The following PCNX4 variants were observed in gnomAD, a reference collection of about 807,000 sequenced individuals.
The protein encoded by PCNX4 is pecanex 4.
In PCNX4, 103 loss-of-function variants were observed where a neutral mutation model predicts 107.2. The ratio of observed to expected loss-of-function variants is 0.96; its 90% confidence interval spans 0.82 to 1.13. The LOEUF (loss-of-function observed/expected upper bound fraction) is 1.13, where lower values mean the gene tolerates loss of function less well. Ranked by LOEUF, PCNX4 falls within the 50% of genes most tolerant of loss-of-function variation. The pLI, the probability that PCNX4 is intolerant of heterozygous loss-of-function variation, is 0.00. For missense variants in PCNX4, 1,528 were observed against 1,379.4 expected, an observed-to-expected ratio of 1.11 and a Z score of -1.71; for synonymous variants, 541 against 481.7, an observed-to-expected ratio of 1.12 and a Z score of -1.61.
rs914019288 is a variant in PCNX4, at chr14:60,116,187, C to A, written c.1578+127C>A. ...TAATTTTAGAACATTTTCAACATCCCAAAAAGAAACCTCAACTGTTATTTC... is the reference window on the plus strand; with the variant it reads ...TAATTTTAGAACATTTTCAACATCCAAAAAAGAAACCTCAACTGTTATTTC... On this transcript the variant is annotated intron_variant, in intron 6 of 10. Transcript: ENST00000406854. The A allele has an allele frequency of 2.5e-4, 226 of 906,626 alleles. 1 individual carries two copies. The highest frequency in any genetic ancestry group is 1.0e-4 in the Admixed American group (3 of 28,878). The allele number at this position is 906,626 out of a possible 1,614,324, so 56.2% of individuals were successfully genotyped here.
intron 1 of PCNX4, among the ~76,000 whole-genome samples, chr14:60,105,303 G>A (rs991884362): frequency 6.6e-6 from 1 of 152,184 alleles, no homozygotes; most frequent in African/African-American, 2.4e-5. Context: ...GGGAAGGGAG[G>A]AGAGGACATC....
At chr14:60,131,000 T>A (rs1418473439) in intron 10 of PCNX4, among the ~76,000 whole-genome samples, 1 of 151,362 alleles carries the variant, frequency 6.6e-6, no homozygotes, top group Non-Finnish European at 1.5e-5. Flanking sequence ...AGTGCCCTTA[T>A]AGGAAGAGGA....
In PCNX4 at chr14:60,143,002, G is replaced by C. The variant is rs1285109076; in HGVS notation, c.*8781G>C. 1 of 152,090 alleles carries C rather than the reference G, an allele frequency of 6.6e-6. No homozygotes were observed. Among genetic ancestry groups the C allele is most frequent in the Admixed American group, 6.5e-5 (1 of 15,270 alleles). 9.4% of individuals were successfully genotyped at this position (152,090 alleles called of 1,614,324 possible). On this transcript the variant is annotated 3_prime_UTR_variant, in exon 11 of 11. Transcript: ENST00000406854. ...GAAAGAAAGAAAAAAATGCCATACA[G>C]ATGAATCTTTAAAGATTTTAATTTA...
At position 60,108,335 on chromosome 14, in the gene PCNX4, C is replaced by T; in HGVS notation, c.689+8C>T. The T allele has an allele frequency of 6.3e-7, 1 of 1,578,224 alleles. No individual in the cohort carries two copies. The highest frequency in any genetic ancestry group is 8.6e-7 in the Non-Finnish European group (1 of 1,159,014). On this transcript the variant is annotated splice_region_variant and intron_variant, in intron 2 of 10. Transcript: ENST00000406854. ...TGTGGATCTGGCACACAGGTAAAAACCTACCAAATACTTTGTAACTAACTT... is the reference window on the plus strand; with the variant it reads ...TGTGGATCTGGCACACAGGTAAAAATCTACCAAATACTTTGTAACTAACTT...
Position 60,143,598 on chromosome 14 carries a change from C to T in PCNX4, c.*9377C>T, listed in dbSNP as rs437986. ...TGTTAGCGTTGCTTCTTTATTTCTTCACTTATGACTATGCCTCTAGTACAT... is the reference window on the plus strand; with the variant it reads ...TGTTAGCGTTGCTTCTTTATTTCTTTACTTATGACTATGCCTCTAGTACAT... On this transcript the variant is annotated 3_prime_UTR_variant, in exon 11 of 11. Coordinates refer to ENST00000406854, the MANE Select transcript of PCNX4 (RefSeq NM_001330177.2). 40,447 of 152,134 alleles carry T rather than the reference C, an allele frequency of 0.27. 7,304 individuals carry two copies. Among genetic ancestry groups the T allele is most frequent in the African/African-American group, 0.51 (21,067 of 41,458 alleles). The allele number at this position is 152,134 out of a possible 1,614,324, so 9.4% of individuals were successfully genotyped here.
chr14:60,134,340 C>A lies in PCNX4; in HGVS notation c.*119C>A. 1.6e-6 allele frequency: 2 copies of A among 1,255,654 alleles called. No homozygotes were observed. Among genetic ancestry groups the A allele is most frequent in the Non-Finnish European group, 2.2e-6 (2 of 905,968 alleles). 77.8% of individuals were successfully genotyped at this position (1,255,654 alleles called of 1,614,324 possible). Reference sequence around the variant, plus strand: ...ACACCCCCATTCAGATGCCTGAGAACAGCTAAGCTCCGTAAAGTTGGTTCT... The same window carrying A: ...ACACCCCCATTCAGATGCCTGAGAAAAGCTAAGCTCCGTAAAGTTGGTTCT... On this transcript the variant is annotated 3_prime_UTR_variant, in exon 11 of 11. Coordinates refer to ENST00000406854, the MANE Select transcript of PCNX4 (RefSeq NM_001330177.2).
intron 7 of PCNX4, 35 bp from the exon 8 acceptor site, chr14:60,121,161 C>CTT (rs747483127): frequency 0.013 from 13,831 of 1,089,810 alleles, 14 homozygotes; most frequent in South Asian, 0.019. Context: ...AAATGATTTT[C>CTT]TTTTTTTTTT....
chr14:60,134,228 T>G lies in PCNX4; in HGVS notation c.*7T>G, dbSNP rs1409316198. 1 of 1,611,736 alleles carries G rather than the reference T, an allele frequency of 6.2e-7. No homozygotes were observed. The highest frequency in any genetic ancestry group is 2.2e-5 in the East Asian group (1 of 44,854). On this transcript the variant is annotated 3_prime_UTR_variant, in exon 11 of 11. Transcript: ENST00000406854. ...CCACATACATTTGTATTAGAGCTCA[T>G]TTTGACTGTAATGTCATCAAATGCA...
intron 1 of PCNX4, among the ~76,000 whole-genome samples, chr14:60,096,587 A>C (rs1895429382): frequency 6.6e-6 from 1 of 152,232 alleles, no homozygotes; most frequent in South Asian, 2.1e-4. Flanking sequence ...CCACGGCCAT[A>C]AGTTAGTGCC....
intron 10 of PCNX4, among the ~76,000 whole-genome samples, chr14:60,130,665 T>C (rs1166483234): frequency 1.3e-5 from 2 of 152,186 alleles, no homozygotes; most frequent in Non-Finnish European, 2.9e-5. Flanking sequence ...GCCTATAACA[T>C]ATAGGAATGT....
At chr14:60,100,071 G>A (rs1388063954) in intron 1 of PCNX4, among the ~76,000 whole-genome samples, 2 of 151,790 alleles carry the variant, frequency 1.3e-5, no homozygotes, top group Non-Finnish European at 2.9e-5. Flanking sequence ...TCTCAAAAAA[G>A]AAAATGAAAG....
chr14:60,097,487 T>G (rs962291996), intron 1 of PCNX4, among the ~76,000 whole-genome samples: 5 of 152,258 alleles, frequency 3.3e-5, no homozygotes, highest in African/African-American at 1.2e-4. Context: ...TCTCAATTGC[T>G]GTAGCATTTT....
rs1387586569 is a variant in PCNX4 at position 60,139,470 on chromosome 14, G to A, written c.*5249G>A. The stretch of plus-strand genomic sequence containing the variant: ...TAACAATATAGCCTCAAATATATAA[G>A]CAGAAATGAACAGAACTAAAATGAG... On this transcript the variant is annotated 3_prime_UTR_variant, in exon 11 of 11. Coordinates refer to ENST00000406854, the MANE Select transcript of PCNX4 (RefSeq NM_001330177.2). The A allele has an allele frequency of 6.6e-6, 1 of 151,974 alleles. No homozygotes were observed. The highest frequency in any genetic ancestry group is 2.4e-5 in the African/African-American group (1 of 41,406). 9.4% of individuals were successfully genotyped at this position (151,974 alleles called of 1,614,324 possible).
chr14:60,105,548 A>G lies in PCNX4; in HGVS notation c.-53-2038A>G. On this transcript the variant is annotated intron_variant, in intron 1 of 10. Transcript: ENST00000406854. ...TAGGTGTGTGTACTCTTTTTTTTGG[A>G]TACAAATGGAATCAGTAGGGTGTTT... Among the ~76,000 whole-genome samples the G allele has an allele frequency of 1.3e-5, 2 of 152,056 alleles. 1 individual carries two copies. The highest frequency in any genetic ancestry group is 6.4e-3 in the Middle Eastern group (2 of 314).
At chr14:60,117,830 G>A (rs575812421) in intron 6 of PCNX4, among the ~76,000 whole-genome samples, 11 of 152,060 alleles carry the variant, frequency 7.2e-5, no homozygotes, top group East Asian at 1.9e-4. Context: ...TTGATTATTC[G>A]TAAATGTTCT....
In PCNX4 at chr14:60,115,070, T is replaced by G; in HGVS notation, c.966T>G (p.Gly322=). 6.2e-7 allele frequency: 1 copy of G among 1,613,920 alleles called. No individual in the cohort carries two copies. The change falls in exon 4 of 11, where the codon GGT becomes GGG. Residue 322 remains glycine (G), a synonymous_variant. Coordinates refer to ENST00000406854, the MANE Select transcript of PCNX4 (RefSeq NM_001330177.2). The part of the protein sequence containing the change: ...VGVVLFMTGF[G]FLLSLNLSDM... ...TGGTTCTTTTCATGACTGGATTTGGTTTCTTGCTGAGTCTGAACTTAAGTG... is the reference window on the plus strand; with the variant it reads ...TGGTTCTTTTCATGACTGGATTTGGGTTCTTGCTGAGTCTGAACTTAAGTG...
Position 60,125,680 on chromosome 14 carries a change from A to C in PCNX4, c.3124A>C (p.Ile1042Leu). Residue 1042 changes from isoleucine to leucine, a missense_variant, in exon 10 of 11, where the codon ATA becomes CTA. Coordinates refer to ENST00000406854, the MANE Select transcript of PCNX4 (RefSeq NM_001330177.2). ...LMIDKASLGPIEDFRELIKYL... is the reference protein window; with the variant it reads ...LMIDKASLGPLEDFRELIKYL... Reference sequence around the variant, plus strand: ...GATTGATAAAGCAAGTTTAGGTCCAATAGAAGACTTTAGAGAACTGATTAA... The same window carrying C: ...GATTGATAAAGCAAGTTTAGGTCCACTAGAAGACTTTAGAGAACTGATTAA... 6.3e-7 allele frequency: 1 copy of C among 1,586,608 alleles called. No homozygotes were observed. Among genetic ancestry groups the C allele is most frequent in the Non-Finnish European group, 8.6e-7 (1 of 1,167,310 alleles).
intron 9 of PCNX4, 85 bp downstream of exon 9, chr14:60,125,336 C>T (rs1383416491): frequency 4.7e-6 from 6 of 1,288,472 alleles, no homozygotes; most frequent in East Asian, 2.7e-5. Flanking sequence ...GACAGTTATT[C>T]GTTTCTAGTT....
At chr14:60,102,353 T>A (rs1004777788) in intron 1 of PCNX4, among the ~76,000 whole-genome samples, 2 of 152,172 alleles carry the variant, frequency 1.3e-5, no homozygotes, top group Admixed American at 6.5e-5. Flanking sequence ...CATCTCAAAA[T>A]TTTTTTGTTG....
Sources: allele counts gnomAD v4.1 joint callset (sites outside exome capture counted in the v4.1 genomes callset), GRCh38; gene constraint gnomAD v4.1.1; transcripts MANE v1.5; gene names NCBI Gene and HGNC (gene_info 2026-07-23, HGNC 2026-07-21).